Variants in SV2C observed in about 807,000 individuals in gnomAD.
The protein encoded by SV2C is solute carrier family 22 member B3.
A neutral mutation model predicts 79.7 loss-of-function variants in SV2C; 49 were observed. The ratio of observed to expected loss-of-function variants is 0.61; its 90% CI spans 0.49 to 0.78. SV2C has a LOEUF of 0.78. Among genes scored for constraint, SV2C ranks in the 30% least tolerant of loss-of-function variants. SV2C has a pLI of 0.00. For missense variants in SV2C, 833 were observed against 912.9 expected (o/e 0.91, Z 1.13); for synonymous variants, 334 against 333.2 (o/e 1.00, Z -0.03).
chr5:75,980,624 C>T, the SV2C span, among the ~76,000 whole-genome samples: 6 of 152,150 alleles, frequency 3.9e-5, no homozygotes, highest in African/African-American at 1.2e-4. Flanking sequence ...ATGATTATCT[C>T]GATAGATGTA....
At chr5:76,205,828 G>A (rs6453210) in intron 3 of SV2C, among the ~76,000 whole-genome samples, 7,543 of 152,150 alleles carry the variant, frequency 0.05, 641 homozygotes, top group African/African-American at 0.17. Flanking sequence ...TTTGTAAGGA[G>A]CTGTTCTGTG....
chr5:75,985,098 G>T, the SV2C span, among the ~76,000 whole-genome samples: 1 of 151,800 alleles, frequency 6.6e-6, no homozygotes, highest in East Asian at 1.9e-4. Context: ...GAGGGTCTCC[G>T]GCTGCTTCAA....
At position 76,145,139 on chromosome 5, in the gene SV2C, G is replaced by C. The variant is rs1046648114; in HGVS notation, c.580+12809G>C. On this transcript the variant is annotated intron_variant, in intron 2 of 12. Transcript: ENST00000502798. ...CAGGAGTTCTTGGGAGAGCAATTCT[G>C]TTTAGGTACATAGCAGAAGAGCAAG... Among the ~76,000 whole-genome samples, 3 of 152,192 alleles carry C rather than the reference G, an allele frequency of 2.0e-5. No individual in the cohort carries two copies. The East Asian group carries it at 5.8e-4, about 29-fold the overall frequency.
At chr5:75,859,255 A>G in the SV2C span, among the ~76,000 whole-genome samples, 6 of 152,184 alleles carry the variant, frequency 3.9e-5, no homozygotes, top group Non-Finnish European at 8.8e-5. Context: ...ATTATCTATC[A>G]TTTGAATGAA....
chr5:76,257,724 A>G (rs1203834036), intron 4 of SV2C, among the ~76,000 whole-genome samples: 1 of 148,108 alleles, frequency 6.8e-6, no homozygotes, highest in Non-Finnish European at 1.5e-5. Flanking sequence ...ATGTGTGTGT[A>G]TGAGTGTGTA....
chr5:75,941,554 A>C, the SV2C span, among the ~76,000 whole-genome samples: 7 of 152,332 alleles, frequency 4.6e-5, no homozygotes, highest in East Asian at 1.3e-3. Context: ...TTTTAATTCT[A>C]GTAATAGAAA....
At chr5:76,257,706 G>A (rs1746330661) in intron 4 of SV2C, among the ~76,000 whole-genome samples, 1 of 150,832 alleles carries the variant, frequency 6.6e-6, no homozygotes, top group Non-Finnish European at 1.5e-5. Context: ...AGGTGTGTAG[G>A]TAGGTGTATG....
At chr5:76,347,722 G>A (rs559314865) in intron 12 of SV2C, among the ~76,000 whole-genome samples, 6 of 152,288 alleles carry the variant, frequency 3.9e-5, no homozygotes, top group South Asian at 2.1e-4. Flanking sequence ...GATTGCAAGC[G>A]TGAGCCACCC....
the SV2C span, among the ~76,000 whole-genome samples, chr5:76,013,073 G>T: frequency 2.6e-4 from 40 of 152,264 alleles, no homozygotes; most frequent in Non-Finnish European, 5.1e-4. Context: ...ACTTAGGATT[G>T]CCTTGGCTAT....
the SV2C span, among the ~76,000 whole-genome samples, chr5:75,868,291 A>G: frequency 6.6e-6 from 1 of 152,220 alleles, no homozygotes; most frequent in Admixed American, 6.5e-5. Flanking sequence ...ACACCCATGT[A>G]TACAAAACTC....
the SV2C span, among the ~76,000 whole-genome samples, chr5:75,868,715 G>A: frequency 6.6e-6 from 1 of 152,080 alleles, no homozygotes; most frequent in African/African-American, 2.4e-5. Context: ...TGGAGTTGGG[G>A]GCAGAGTCCC....
chr5:75,847,870 C>T, the SV2C span, among the ~76,000 whole-genome samples: 1 of 152,118 alleles, frequency 6.6e-6, no homozygotes, highest in Non-Finnish European at 1.5e-5. Flanking sequence ...CTGTCTCCAC[C>T]CTATAAAATC....
intron 4 of SV2C, among the ~76,000 whole-genome samples, chr5:76,229,222 CG>C: frequency 6.6e-6 from 1 of 152,342 alleles, no homozygotes; most frequent in South Asian, 2.1e-4. Flanking sequence ...CACCCTGGTG[CG>C]GGACGGCCAT....
intron 12 of SV2C, among the ~76,000 whole-genome samples, chr5:76,339,539 T>C (rs768351251): frequency 3.6e-4 from 54 of 151,958 alleles, no homozygotes; most frequent in African/African-American, 6.5e-4. Flanking sequence ...AAGGTGAAAC[T>C]CTGTCTCTAC....
At chr5:76,035,485 T>G in the SV2C span, among the ~76,000 whole-genome samples, 1 of 152,162 alleles carries the variant, frequency 6.6e-6, no homozygotes, top group African/African-American at 2.4e-5. Context: ...ACATCTTTAT[T>G]TCTGCCTTCA....
the SV2C span, among the ~76,000 whole-genome samples, chr5:76,034,431 C>G: frequency 6.6e-6 from 1 of 152,124 alleles, no homozygotes; most frequent in Admixed American, 6.5e-5. Flanking sequence ...CCATCAATAC[C>G]TAATTTATTG....
the SV2C span, chr5:75,921,111 C>A: frequency 2.5e-6 from 2 of 810,110 alleles, no homozygotes; most frequent in Non-Finnish European, 4.2e-6. Context: ...GCATTGTGCA[C>A]GGAGTTGGCC....
chr5:76,351,310 C>T (rs761732847), intron 12 of SV2C, among the ~76,000 whole-genome samples: 9 of 151,822 alleles, frequency 5.9e-5, no homozygotes, highest in East Asian at 1.9e-4. Context: ...TAGCCAGGCA[C>T]GGTGACGTGC....
the SV2C span, among the ~76,000 whole-genome samples, chr5:75,940,712 A>G: frequency 6.6e-6 from 1 of 152,216 alleles, no homozygotes; most frequent in African/African-American, 2.4e-5. Context: ...AGGGCAAATG[A>G]TCCTAACAGT....
Sources: allele counts gnomAD v4.1 joint callset (sites outside exome capture counted in the v4.1 genomes callset), GRCh38; gene constraint gnomAD v4.1.1; transcripts MANE v1.5; gene names NCBI Gene and HGNC (gene_info 2026-07-23, HGNC 2026-07-21).